SLC39A10: variants seen among roughly 807,000 people sequenced by gnomAD.
The protein encoded by SLC39A10 is solute carrier family 39 member 10.
Under a neutral mutation model 65.1 loss-of-function variants are expected in SLC39A10, and 13 were observed. That is an observed-to-expected ratio of 0.20 (90% CI 0.13 to 0.32). The LOEUF is 0.32. Ranked by LOEUF, SLC39A10 falls within the 10% of genes least tolerant of loss-of-function variation. SLC39A10 has a pLI of 1.00. For synonymous variants in SLC39A10, 321 were observed against 342.2 expected, an observed-to-expected ratio of 0.94 and a Z score of 0.68; for missense variants, 831 against 1,018.4, an observed-to-expected ratio of 0.82 and a Z score of 2.50.
intron 2 of SLC39A10, 95 bp from the exon 3 acceptor site, chr2:195,683,604 T>A: frequency 1.1e-6 from 1 of 903,080 alleles, no homozygotes; most frequent in Non-Finnish European, 1.7e-6. Flanking sequence ...TATTTGCAAG[T>A]AATATTTAGA....
intron 4 of SLC39A10, 74 bp from the exon 5 acceptor site, chr2:195,708,576 GATTATA>G (rs931665879): frequency 1.9e-6 from 2 of 1,065,958 alleles, no homozygotes; most frequent in African/African-American, 1.6e-5. Flanking sequence ...TCATTTAGGA[GATTATA>G]ATTATTATAA....
chr2:195,722,285 T>C (rs1460061679), intron 8 of SLC39A10, among the ~76,000 whole-genome samples: 1 of 152,208 alleles, frequency 6.6e-6, no homozygotes, highest in Non-Finnish European at 1.5e-5. Flanking sequence ...TTCCTAATGT[T>C]AAATTGATGT....
chr2:195,640,513 G>T (rs746826849), intron 2 of SLC39A10, among the ~76,000 whole-genome samples: 1 of 151,978 alleles, frequency 6.6e-6, no homozygotes, highest in Non-Finnish European at 1.5e-5. Context: ...TAAACAGGGA[G>T]TAATGTAAAC....
chr2:195,642,433 C>T (rs1688829160), intron 2 of SLC39A10, among the ~76,000 whole-genome samples: 2 of 152,124 alleles, frequency 1.3e-5, no homozygotes, highest in African/African-American at 4.8e-5. Flanking sequence ...ACAGCAGAAC[C>T]ATTTTAAGGA....
intron 5 of SLC39A10, 94 bp downstream of exon 5, chr2:195,708,938 G>A: frequency 1.1e-6 from 1 of 918,128 alleles, no homozygotes; most frequent in Non-Finnish European, 1.6e-6. Context: ...TATGATGTTG[G>A]TGTGTATTAA....
intron 5 of SLC39A10, among the ~76,000 whole-genome samples, chr2:195,710,070 G>A (rs1691555846): frequency 1.3e-5 from 2 of 152,148 alleles, no homozygotes; most frequent in Non-Finnish European, 2.9e-5. Context: ...GATGCTTGAC[G>A]CTTGGTTGAA....
intron 2 of SLC39A10, among the ~76,000 whole-genome samples, chr2:195,619,023 G>T (rs943990013): frequency 1.3e-5 from 2 of 150,672 alleles, no homozygotes; most frequent in African/African-American, 4.9e-5. Context: ...AACCCAGGAG[G>T]CGGAGGTTGC....
intron 5 of SLC39A10, among the ~76,000 whole-genome samples, chr2:195,709,150 G>A (rs1203076658): frequency 6.6e-6 from 1 of 151,900 alleles, no homozygotes; most frequent in East Asian, 1.9e-4. Flanking sequence ...CCAGCCTCCC[G>A]AGTAGCTGGG....
chr2:195,662,323 C>T (rs1559021115), intron 1 of SLC39A10, among the ~76,000 whole-genome samples: 1 of 150,144 alleles, frequency 6.7e-6, no homozygotes. Context: ...GGCTGGAGTG[C>T]AGTGGTGAGA....
At chr2:195,621,925 A>G (rs1351107078) in intron 2 of SLC39A10, among the ~76,000 whole-genome samples, 1 of 152,160 alleles carries the variant, frequency 6.6e-6, no homozygotes, top group Non-Finnish European at 1.5e-5. Context: ...TTTGCAGATT[A>G]AAAAAACAAA....
At chr2:195,643,960 C>T (rs749161297) in intron 2 of SLC39A10, among the ~76,000 whole-genome samples, 8 of 152,184 alleles carry the variant, frequency 5.3e-5, no homozygotes, top group Non-Finnish European at 8.8e-5. Context: ...TAACACCACA[C>T]ATTGTTGAGT....
At chr2:195,654,258 T>C (rs941148895), upstream of SLC39A10, among the ~76,000 whole-genome samples, 3 of 152,192 alleles carry the variant, frequency 2.0e-5, no homozygotes, top group Admixed American at 1.3e-4. Flanking sequence ...ATGTTCTTTA[T>C]AGATTTCATT....
intron 2 of SLC39A10, among the ~76,000 whole-genome samples, chr2:195,648,748 T>G (rs1688975060): frequency 6.6e-6 from 1 of 152,194 alleles, no homozygotes; most frequent in Admixed American, 6.5e-5. Context: ...AGAGCCAGCC[T>G]GGGATCCTGG....
At chr2:195,641,074 C>T (rs1033887757) in intron 2 of SLC39A10, among the ~76,000 whole-genome samples, 11 of 152,130 alleles carry the variant, frequency 7.2e-5, no homozygotes, top group Non-Finnish European at 1.3e-4. Flanking sequence ...CTCAAGGAAT[C>T]GGTGAGTATA....
chr2:195,615,588 G>A (rs1363774280), intron 2 of SLC39A10, among the ~76,000 whole-genome samples: 3 of 152,186 alleles, frequency 2.0e-5, no homozygotes, highest in Non-Finnish European at 4.4e-5. Context: ...AAATTTCGCA[G>A]ATGATGGTAA....
intron 2 of SLC39A10, among the ~76,000 whole-genome samples, chr2:195,629,292 G>T (rs926606914): frequency 6.6e-6 from 1 of 151,856 alleles, no homozygotes; most frequent in South Asian, 2.1e-4. Context: ...TACTCAGGAG[G>T]CTGAGGCAGG....
chr2:195,734,488 T>C (rs1692524023), intron 9 of SLC39A10, among the ~76,000 whole-genome samples: 1 of 152,324 alleles, frequency 6.6e-6, no homozygotes, highest in South Asian at 2.1e-4. Context: ...TTATTGAGTT[T>C]AAGATACATT....
At chr2:195,661,367 A>T (rs1689389603) in intron 1 of SLC39A10, among the ~76,000 whole-genome samples, 1 of 152,180 alleles carries the variant, frequency 6.6e-6, no homozygotes, top group Non-Finnish European at 1.5e-5. Flanking sequence ...AGTAGGTATG[A>T]AGAAATATAG....
chr2:195,688,136 G>T (rs190131946), intron 3 of SLC39A10, among the ~76,000 whole-genome samples: 1 of 152,174 alleles, frequency 6.6e-6, no homozygotes, highest in East Asian at 1.9e-4. Context: ...TATTGCATAT[G>T]GTATCTTGGG....
Sources: allele counts gnomAD v4.1 joint callset (sites outside exome capture counted in the v4.1 genomes callset), GRCh38; gene constraint gnomAD v4.1.1; transcripts MANE v1.5; gene names NCBI Gene and HGNC (gene_info 2026-07-23, HGNC 2026-07-21).